CECR2: variants seen among roughly 807,000 people sequenced by gnomAD.
The protein encoded by CECR2 is CECR2 histone acetyl-lysine reader.
Under a neutral mutation model 154.5 loss-of-function variants are expected in CECR2, and 30 were observed. The ratio of observed to expected loss-of-function variants is 0.19; its 90% confidence interval spans 0.15 to 0.26. The LOEUF is 0.26. Ranked by LOEUF, CECR2 falls within the 10% of genes least tolerant of loss-of-function variation. The pLI, the probability that CECR2 is intolerant of heterozygous loss-of-function variation, is 1.00. For missense variants in CECR2, 1,743 were observed against 1,829.3 expected (o/e 0.95, Z 0.86); for synonymous variants, 725 against 683.7 (o/e 1.06, Z -0.94).
intron 1 of CECR2, among the ~76,000 whole-genome samples, chr22:17,443,312 TA>T (rs2054611562): frequency 1.3e-5 from 2 of 152,350 alleles, no homozygotes; most frequent in South Asian, 4.1e-4. Context: ...ATTTCTCTAT[TA>T]AAATTCTGTT....
intron 1 of CECR2, among the ~76,000 whole-genome samples, chr22:17,375,693 CG>C (rs1314722860): frequency 2.0e-5 from 3 of 151,912 alleles, no homozygotes; most frequent in African/African-American, 7.3e-5. Context: ...TGGTGGCTCA[CG>C]CCTGTAATCC....
chr22:17,451,209 C>G (rs2054763967), intron 1 of CECR2, among the ~76,000 whole-genome samples: 1 of 152,200 alleles, frequency 6.6e-6, no homozygotes, highest in African/African-American at 2.4e-5. Context: ...GGCATAGACT[C>G]AAGTTGCCTT....
At chr22:17,512,704 T>C (rs1007750152) in intron 8 of CECR2, among the ~76,000 whole-genome samples, 8 of 23,288 alleles carry the variant, frequency 3.4e-4, no homozygotes, top group African/African-American at 1.2e-3. Flanking sequence ...TCACTCTGTC[T>C]CAGAAAAAAA....
intron 1 of CECR2, among the ~76,000 whole-genome samples, chr22:17,390,300 G>A (rs138673342): frequency 0.02 from 3,064 of 152,238 alleles, 53 homozygotes; most frequent in Middle Eastern, 0.038. Flanking sequence ...TGTGTTTTTG[G>A]CGGGAGTGCT....
intron 8 of CECR2, among the ~76,000 whole-genome samples, chr22:17,519,245 C>A (rs532656492): frequency 1.3e-5 from 2 of 151,598 alleles, no homozygotes; most frequent in East Asian, 3.9e-4. Flanking sequence ...AGCCACTGCT[C>A]CTCCACCTCA....
Position 17,548,191 on chromosome 22 carries a change from T to C in CECR2, c.2904T>C (p.Gly968=). The C allele has an allele frequency of 6.3e-7, 1 of 1,581,992 alleles. No individual in the cohort carries two copies. Among genetic ancestry groups the C allele is most frequent in the Non-Finnish European group, 8.6e-7 (1 of 1,164,288 alleles). Residue 968 remains glycine (G), a synonymous_variant, in exon 17 of 19, where the codon GGT becomes GGC. Transcript: ENST00000262608. ...PGLEEKPPGV[G]TSEGVYLTQL... ...TTGAAGAGAAACCACCAGGTGTTGG[T>C]ACTTCAGAGGGGGTCTACCTCACAC...
chr22:17,378,225 C>T (rs1051398208), intron 1 of CECR2, among the ~76,000 whole-genome samples: 5 of 149,748 alleles, frequency 3.3e-5, no homozygotes, highest in African/African-American at 9.8e-5. Context: ...CCTTGTGATC[C>T]GCCCGCCTTG....
chr22:17,446,899 G>C (rs1236478802), intron 1 of CECR2, among the ~76,000 whole-genome samples: 11 of 151,040 alleles, frequency 7.3e-5, no homozygotes, highest in Non-Finnish European at 1.6e-4. Context: ...CCATTTTACA[G>C]AGCGCTGATT....
intron 8 of CECR2, among the ~76,000 whole-genome samples, chr22:17,523,077 A>G (rs174314): frequency 0.32 from 48,265 of 151,250 alleles, 7,926 homozygotes; most frequent in East Asian, 0.5. Flanking sequence ...AATCTAAACC[A>G]GTTTGTTTTG....
intron 1 of CECR2, among the ~76,000 whole-genome samples, chr22:17,463,182 G>A (rs1280640528): frequency 6.6e-6 from 1 of 152,218 alleles, no homozygotes; most frequent in African/African-American, 2.4e-5. Flanking sequence ...GTGTATCTGA[G>A]GAGCAGGTAA....
rs775950079 is a variant in CECR2, at chr22:17,540,702, C to G, written c.1786C>G (p.Gln596Glu). Residue 596 changes from glutamine to glutamate, a missense_variant, in exon 14 of 19, where the codon CAG (glutamine) becomes GAG (glutamate). This residue lies in a region of CECR2 where 1,250 missense variants were observed against 1,192.1 expected (regional missense o/e 1.05). Coordinates refer to ENST00000262608, the MANE Select transcript of CECR2 (RefSeq NM_001290047.2). ...SGDDQSSSSTQPPREVGTSNG... is the reference protein window; with the variant it reads ...SGDDQSSSSTEPPREVGTSNG... ...GGACGATCAGAGCAGCAGCTCCACA[C>G]AGCCCCCGCGGGAGGTGGGCACTTC... The G allele has an allele frequency of 2.5e-6, 4 of 1,613,594 alleles. No individual in the cohort carries two copies. Among genetic ancestry groups the G allele is most frequent in the African/African-American group, 1.3e-5 (1 of 74,946 alleles).
intron 2 of CECR2, 35 bp downstream of exon 2, chr22:17,477,717 G>C (rs4819593): frequency 0.3 from 440,079 of 1,453,418 alleles, 72,047 homozygotes; most frequent in Non-Finnish European, 0.34. Context: ...CATTTCTTGC[G>C]CCAAGAACTA....
intron 1 of CECR2, among the ~76,000 whole-genome samples, chr22:17,448,068 G>A (rs1056740177): frequency 9.2e-5 from 14 of 152,118 alleles, no homozygotes; most frequent in African/African-American, 1.7e-4. Context: ...ATAGTTTTCC[G>A]GAGAAAATAC....
Position 17,469,481 on chromosome 22 carries a change from C to T in CECR2, c.127-8107C>T, listed in dbSNP as rs766481602. Among the ~76,000 whole-genome samples, 10 of 152,312 alleles carry T rather than the reference C, an allele frequency of 6.6e-5. 1 individual carries two copies. The Middle Eastern group carries it at 0.01, about 155-fold the overall frequency. ...AAAGTATTCTTGGCCCGCGACAGCG[C>T]GTCATCACTGTCTCTCCCCAAGCAG... On this transcript the variant is annotated intron_variant, in intron 1 of 18. Coordinates refer to ENST00000262608, the MANE Select transcript of CECR2 (RefSeq NM_001290047.2).
intron 1 of CECR2, among the ~76,000 whole-genome samples, chr22:17,473,334 A>C (rs1167341254): frequency 6.6e-6 from 1 of 152,128 alleles, no homozygotes; most frequent in African/African-American, 2.4e-5. Context: ...AGAGGAGGAG[A>C]GAAAGTGAGA....
At chr22:17,518,207 T>C (rs2056093807) in intron 8 of CECR2, among the ~76,000 whole-genome samples, 1 of 152,188 alleles carries the variant, frequency 6.6e-6, no homozygotes, top group African/African-American at 2.4e-5. Context: ...GAGGAGCGTT[T>C]ACATAAATTA....
chr22:17,493,802 T>C (rs780912305), intron 2 of CECR2, among the ~76,000 whole-genome samples: 9 of 152,250 alleles, frequency 5.9e-5, no homozygotes, highest in Admixed American at 2.0e-4. Context: ...CTGGTATGCC[T>C]GTACTTTCTC....
In CECR2 at chr22:17,500,744, A is replaced by G. The variant is rs1179243230; in HGVS notation, c.650+9A>G. On this transcript the variant is annotated intron_variant, in intron 5 of 18. Transcript: ENST00000262608. ...GAGGAGATTCTGTTGAGGTAAGAAA[A>G]TCTTGTTAGTTGTGGTCATAGACCA... 8 of 1,530,462 alleles carry G rather than the reference A, an allele frequency of 5.2e-6. No individual in the cohort carries two copies. Among genetic ancestry groups the G allele is most frequent in the Non-Finnish European group, 7.1e-6 (8 of 1,131,028 alleles). The allele number at this position is 1,530,462 out of a possible 1,614,324, so 94.8% of individuals were successfully genotyped here. A position where few individuals can be genotyped will look rare whatever the true frequency, so the allele number is the denominator to read the frequency against.
At chr22:17,496,270 G>A (rs1351234481) in intron 2 of CECR2, among the ~76,000 whole-genome samples, 1 of 152,046 alleles carries the variant, frequency 6.6e-6, no homozygotes, top group Non-Finnish European at 1.5e-5. Context: ...GGACGAGGCG[G>A]GTGGATCACG....
Sources: gnomAD v4.1 joint callset for allele counts (sites outside exome capture counted in the v4.1 genomes callset) on GRCh38, gnomAD v4.1.1 for gene constraint, gnomAD v4.1.1 regional missense constraint, MANE v1.5 for transcripts, NCBI Gene and HGNC (gene_info 2026-07-23, HGNC 2026-07-21) for gene names.